The following SLC2A8 variants were observed in gnomAD, a reference collection of about 807,000 sequenced individuals.
SLC2A8 encodes solute carrier family 2, facilitated glucose transporter member 8.
Under a neutral mutation model 49.2 loss-of-function variants are expected in SLC2A8, and 53 were observed. The ratio of observed to expected loss-of-function variants is 1.08; its 90% confidence interval spans 0.86 to 1.35. SLC2A8 has a LOEUF of 1.35. Among genes scored for constraint, SLC2A8 ranks in the 40% most tolerant of loss-of-function variants. The pLI, the probability that SLC2A8 is intolerant of heterozygous loss-of-function variation, is 0.00. For synonymous variants in SLC2A8, 299 were observed against 297.0 expected, an observed-to-expected ratio of 1.01 and a Z score of -0.07; for missense variants, 688 against 671.7, an observed-to-expected ratio of 1.02 and a Z score of -0.27.
chr9:127,406,442 G>A (rs1308721745), intron 9 of SLC2A8, among the ~76,000 whole-genome samples: 1 of 152,220 alleles, frequency 6.6e-6, no homozygotes, highest in Admixed American at 6.5e-5. Context: ...GGGAGGGGAT[G>A]CGCAGCAAAG....
In SLC2A8 at chr9:127,407,817, A is replaced by G. The variant is rs1395635683; in HGVS notation, c.*568A>G. 1 of 154,758 alleles carries G rather than the reference A, an allele frequency of 6.5e-6. No individual in the cohort carries two copies. Among genetic ancestry groups the G allele is most frequent in the East Asian group, 1.9e-4 (1 of 5,336 alleles). The allele number at this position is 154,758 out of a possible 1,614,324, so 9.6% of individuals were successfully genotyped here. On this transcript the variant is annotated 3_prime_UTR_variant, in exon 10 of 10. Coordinates refer to ENST00000373371, the MANE Select transcript of SLC2A8 (RefSeq NM_014580.5). ...CATTTCTGGCTACTTCCTTGGGCTC[A>G]GTTCCCTGGGTCATCAGCCATCAAA...
In SLC2A8 at chr9:127,397,656, A is replaced by T. The variant is rs116081315; in HGVS notation, c.219+118A>T. The T allele has an allele frequency of 7.2e-3, 9,144 of 1,264,610 alleles. 561 individuals are homozygous for T. The African/African-American group carries it at 0.14, about 20-fold the overall frequency. 78.3% of individuals were successfully genotyped at this position (1,264,610 alleles called of 1,614,324 possible). On this transcript the variant is annotated intron_variant, in intron 2 of 9. Transcript: ENST00000373371. ...GGGACAGGCATCGGGCCCCGCCGCC[A>T]CCACCTTTCCCCACGAGACAGGCAT...
chr9:127,402,661 A>G lies in SLC2A8; in HGVS notation c.631A>G (p.Thr211Ala), dbSNP rs750484202. 6.3e-7 allele frequency: 1 copy of G among 1,586,170 alleles called. No homozygotes were observed. Among genetic ancestry groups the G allele is most frequent in the Non-Finnish European group, 8.6e-7 (1 of 1,167,854 alleles). Residue 211 changes from threonine to alanine, a missense_variant, in exon 5 of 10, where the codon ACT becomes GCT. Coordinates refer to ENST00000373371, the MANE Select transcript of SLC2A8 (RefSeq NM_014580.5). ...GCCCGAGACCCCGCGCTTCCTGCTG[A>G]CTCAGCACAGGCGCCAGGAGGCCAT... Reference protein sequence around the residue: ...FMPETPRFLLTQHRRQEAMAA... With the variant: ...FMPETPRFLLAQHRRQEAMAA...
rs919853564 is a variant in SLC2A8 at position 127,397,576 on chromosome 9, C to G, written c.219+38C>G. On this transcript the variant is annotated intron_variant, in intron 2 of 9. Coordinates refer to ENST00000373371, the MANE Select transcript of SLC2A8 (RefSeq NM_014580.5). ...GCTCGCTCCTCCCGCCCTGGGACCC[C>G]ACGCCCTCCTCTCGGGACGGGCATC... The G allele has an allele frequency of 4.4e-6, 6 of 1,370,596 alleles. No individual in the cohort carries two copies. In the African/African-American group the frequency reaches 9.2e-5, roughly 21 times the overall value. The allele number at this position is 1,370,596 out of a possible 1,614,324, so 84.9% of individuals were successfully genotyped here.
At chr9:127,401,074 G>A (rs1362376732) in intron 4 of SLC2A8, among the ~76,000 whole-genome samples, 5 of 152,306 alleles carry the variant, frequency 3.3e-5, no homozygotes, top group East Asian at 1.9e-4. Context: ...CAGTGTGGGC[G>A]ACACAGTGAG....
chr9:127,402,275 C>T (rs1833317056), intron 4 of SLC2A8: 2 of 417,876 alleles, frequency 4.8e-6, no homozygotes, highest in East Asian at 7.8e-5. Flanking sequence ...CAGCAAGCAC[C>T]TCATCCTTCA....
intron 9 of SLC2A8, among the ~76,000 whole-genome samples, chr9:127,406,245 G>A (rs1046520329): frequency 6.6e-6 from 1 of 152,232 alleles, no homozygotes; most frequent in Non-Finnish European, 1.5e-5. Context: ...TGACAAGGAC[G>A]GGAAAGGCCA....
intron 2 of SLC2A8, 51 bp downstream of exon 2, chr9:127,397,589 C>T: frequency 7.3e-7 from 1 of 1,366,496 alleles, no homozygotes; most frequent in Non-Finnish European, 9.4e-7. Context: ...GCCCTCCTCT[C>T]GGGACGGGCA....
Position 127,397,424 on chromosome 9 carries a change from G to A in SLC2A8, c.105G>A (p.Leu35=). Residue 35 remains leucine, a synonymous_variant, in exon 2 of 10, where the codon CTG becomes CTA. Transcript: ENST00000373371. Reference sequence around the variant, plus strand: ...TCCTCGCCGCCTTCGCCGCTGCCCTGGGCCCACTCAGCTTCGGCTTCGCGC... The same window carrying A: ...TCCTCGCCGCCTTCGCCGCTGCCCTAGGCCCACTCAGCTTCGGCTTCGCGC... The part of the protein sequence containing the change: ...RVFLAAFAAA[L]GPLSFGFALG... 6.7e-7 allele frequency: 1 copy of A among 1,486,116 alleles called. No individual in the cohort carries two copies. Among genetic ancestry groups the A allele is most frequent in the East Asian group, 2.9e-5 (1 of 34,310 alleles). 92.1% of individuals were successfully genotyped at this position (1,486,116 alleles called of 1,614,324 possible).
At chr9:127,405,255 C>G (rs532111413) in intron 8 of SLC2A8, among the ~76,000 whole-genome samples, 165 bp from the exon 9 acceptor site, 20 of 152,358 alleles carry the variant, frequency 1.3e-4, no homozygotes, top group African/African-American at 4.8e-4. Context: ...AGGGAAGAGG[C>G]TGGCCGAGGC....
chr9:127,399,812 C>G lies in SLC2A8; in HGVS notation c.427-95C>G. Reference sequence around the variant, plus strand: ...GTCAGGCCAGTCTCAAACTCCCAACCTCTGGTGATCTGCCCGCCTCGGCCT... The same window carrying G: ...GTCAGGCCAGTCTCAAACTCCCAACGTCTGGTGATCTGCCCGCCTCGGCCT... On this transcript the variant is annotated intron_variant, in intron 3 of 9. Transcript: ENST00000373371. The surrounding 1 kb of genome is among the most constrained non-coding windows in gnomAD (Gnocchi z 4.2). The G allele has an allele frequency of 1.0e-6, 1 of 1,004,346 alleles. No individual in the cohort carries two copies. Among genetic ancestry groups the G allele is most frequent in the Non-Finnish European group, 1.5e-6 (1 of 651,690 alleles). 62.2% of individuals were successfully genotyped at this position (1,004,346 alleles called of 1,614,324 possible).
At chr9:127,398,978 G>A (rs544807277) in intron 3 of SLC2A8, among the ~76,000 whole-genome samples, 1 of 152,386 alleles carries the variant, frequency 6.6e-6, no homozygotes, top group South Asian at 2.1e-4. Context: ...TGGACCAGAA[G>A]AGGGTGGGGA....
rs750326016 is a variant in SLC2A8 at position 127,405,576 on chromosome 9, G to A, written c.1296+11G>A. On this transcript the variant is annotated intron_variant, in intron 9 of 9. Transcript: ENST00000373371. ...TTCAGCAGCCTCATGGTGAGGGCAGGCTCCACCAGCACCGCGTTCGTGCAG... is the reference window on the plus strand; with the variant it reads ...TTCAGCAGCCTCATGGTGAGGGCAGACTCCACCAGCACCGCGTTCGTGCAG... The A allele has an allele frequency of 6.2e-7, 1 of 1,612,810 alleles. No homozygotes were observed. Among genetic ancestry groups the A allele is most frequent in the South Asian group, 1.1e-5 (1 of 91,076 alleles).
In SLC2A8 at chr9:127,405,041, G is replaced by A. The variant is rs375784599; in HGVS notation, c.1150+50G>A. On this transcript the variant is annotated intron_variant, in intron 8 of 9. Coordinates refer to ENST00000373371, the MANE Select transcript of SLC2A8 (RefSeq NM_014580.5). Reference sequence around the variant, plus strand: ...GCGAGGAGTGGGAGGTGATCCCCCCGGCCCTGCTGTGGCGGCTCCCGGCAG... The same window carrying A: ...GCGAGGAGTGGGAGGTGATCCCCCCAGCCCTGCTGTGGCGGCTCCCGGCAG... 1.5e-5 allele frequency: 23 copies of A among 1,559,090 alleles called. 1 individual carries two copies. The highest frequency in any genetic ancestry group is 5.7e-5 in the South Asian group (5 of 87,716).
At chr9:127,403,019 C>A (rs543235093) in intron 5 of SLC2A8, among the ~76,000 whole-genome samples, 19 of 152,316 alleles carry the variant, frequency 1.2e-4, no homozygotes, top group African/African-American at 4.3e-4. Context: ...AATGGCCAGG[C>A]CTGGTGGGGG....
At position 127,398,322 on chromosome 9, in the gene SLC2A8, C is replaced by T. The variant is rs759968793; in HGVS notation, c.426+211C>T. On this transcript the variant is annotated intron_variant, in intron 3 of 9. Coordinates refer to ENST00000373371, the MANE Select transcript of SLC2A8 (RefSeq NM_014580.5). ...CATTTTACACTGAGGTCATGACATG[C>T]AGTCTCGGAAAGGTGAAGTCCTTTG... 1.1e-4 allele frequency: 89 copies of T among 781,776 alleles called. 7 individuals are homozygous for T. The South Asian group carries it at 1.2e-3, about 10-fold the overall frequency. 48.4% of individuals were successfully genotyped at this position (781,776 alleles called of 1,614,324 possible).
At position 127,403,745 on chromosome 9, in the gene SLC2A8, C is replaced by G; in HGVS notation, c.809C>G (p.Ser270Trp). The change falls in exon 6 of 10, where the codon TCG (serine) becomes TGG (tryptophan). Residue 270 changes from serine to tryptophan, a missense_variant. Coordinates refer to ENST00000373371, the MANE Select transcript of SLC2A8 (RefSeq NM_014580.5). ...GVSLMAFQQL[S>W]GVNAVMFYAE... ...TCCCTGATGGCCTTCCAGCAGCTGT[C>G]GGGGGTCAACGCCGTCATGTTCTAT... The G allele has an allele frequency of 6.2e-7, 1 of 1,613,218 alleles. No homozygotes were observed.
At position 127,407,236 on chromosome 9, in the gene SLC2A8, T is replaced by C. The variant is rs1280525476; in HGVS notation, c.1421T>C (p.Phe474Ser). 6.2e-7 allele frequency: 1 copy of C among 1,613,054 alleles called. No homozygotes were observed. The highest frequency in any genetic ancestry group is 8.5e-7 in the Non-Finnish European group (1 of 1,180,004). ...GKTLEQITAH[F>S]EGR Reference sequence around the variant, plus strand: ...ACTCTGGAACAAATCACAGCCCATTTTGAGGGGCGATGACAGCCACTCACT... The same window carrying C: ...ACTCTGGAACAAATCACAGCCCATTCTGAGGGGCGATGACAGCCACTCACT... Residue 474 changes from phenylalanine (F) to serine (S), a missense_variant, in exon 10 of 10, where the codon TTT (phenylalanine) becomes TCT (serine). Transcript: ENST00000373371.
At chr9:127,397,869 T>A (rs989791862) in intron 2 of SLC2A8, 36 bp from the exon 3 acceptor site, 4 of 1,442,940 alleles carry the variant, frequency 2.8e-6, no homozygotes, top group Non-Finnish European at 3.6e-6. Flanking sequence ...GGGCTGCGGC[T>A]TCGGCGCCCC....
Sources: gnomAD v4.1 joint callset for allele counts (sites outside exome capture counted in the v4.1 genomes callset) on GRCh38, gnomAD v4.1.1 for gene constraint, Gnocchi (gnomAD v3.1) non-coding constraint, MANE v1.5 for transcripts, NCBI Gene and HGNC (gene_info 2026-07-23, HGNC 2026-07-21) for gene names.